The following VPS13D variants were observed in gnomAD, a reference collection of about 807,000 sequenced individuals.
VPS13D encodes intermembrane lipid transfer protein VPS13D.
VPS13D carries 187 observed loss-of-function variants against 461.9 expected under a neutral mutation model. The ratio of observed to expected loss-of-function variants is 0.40; its 90% confidence interval spans 0.36 to 0.46. The LOEUF (loss-of-function observed/expected upper bound fraction) is 0.46, where lower values mean the gene tolerates loss of function less well. VPS13D is among the 20% of genes least tolerant of loss of function. The pLI is 0.60. For synonymous variants in VPS13D, 1,951 were observed against 1,986.3 expected (o/e 0.98, Z 0.47); for missense variants, 4,711 against 5,364.9 (o/e 0.88, Z 3.81).
intron 60 of VPS13D, among the ~76,000 whole-genome samples, chr1:12,386,610 G>A (rs563810852): frequency 6.6e-6 from 1 of 152,270 alleles, no homozygotes; most frequent in South Asian, 2.1e-4. Context: ...AAAACCAATA[G>A]GAAGTCATCT....
At chr1:12,329,494 T>C (rs1198670651) in intron 36 of VPS13D, among the ~76,000 whole-genome samples, 1 of 152,182 alleles carries the variant, frequency 6.6e-6, no homozygotes, top group Non-Finnish European at 1.5e-5. Context: ...TTTACAGGCA[T>C]GAGCCACCGT....
At chr1:12,440,161 G>A (rs1015547473) in intron 65 of VPS13D, among the ~76,000 whole-genome samples, 1 of 152,236 alleles carries the variant, frequency 6.6e-6, no homozygotes, top group East Asian at 1.9e-4. Flanking sequence ...GAGGCGCTGA[G>A]AAATCTGTAA....
At chr1:12,329,367 C>T (rs1011104819) in intron 36 of VPS13D, among the ~76,000 whole-genome samples, 2 of 152,134 alleles carry the variant, frequency 1.3e-5, no homozygotes, top group Admixed American at 6.5e-5. Flanking sequence ...GCGCCCGCTA[C>T]CACGCCCAGC....
intron 52 of VPS13D, among the ~76,000 whole-genome samples, chr1:12,367,103 C>T (rs374998010): frequency 6.6e-6 from 1 of 152,116 alleles, no homozygotes; most frequent in Non-Finnish European, 1.5e-5. Flanking sequence ...TTAGTTGCCA[C>T]GTGTATTCTC....
intron 60 of VPS13D, among the ~76,000 whole-genome samples, chr1:12,391,742 G>A (rs1644429574): frequency 6.6e-6 from 1 of 152,050 alleles, no homozygotes; most frequent in South Asian, 2.1e-4. Context: ...TTTCATTTGG[G>A]TAACTGTAAA....
chr1:12,257,161 G>A, intron 9 of VPS13D, 74 bp downstream of exon 9: 1 of 1,324,220 alleles, frequency 7.6e-7, no homozygotes, highest in South Asian at 1.2e-5. Flanking sequence ...TCAGAAATAT[G>A]CCTCACTGTC....
intron 27 of VPS13D, among the ~76,000 whole-genome samples, chr1:12,308,949 T>C (rs1390824657): frequency 1.3e-5 from 2 of 152,140 alleles, no homozygotes; most frequent in Non-Finnish European, 2.9e-5. Flanking sequence ...CCAGCCAATG[T>C]TTTATATCTG....
Position 12,383,064 on chromosome 1 carries a change from C to T in VPS13D, c.11279C>T (p.Pro3760Leu). 1 of 1,614,102 alleles carries T rather than the reference C, an allele frequency of 6.2e-7. No homozygotes were observed. The highest frequency in any genetic ancestry group is 8.5e-7 in the Non-Finnish European group (1 of 1,180,010). Residue 3760 changes from proline to leucine, a missense_variant, in exon 58 of 70, where the codon CCT (proline) becomes CTT (leucine). Physicochemically the swap from Pro to Leu is moderately conservative, Grantham distance 98. This residue lies in a region of VPS13D where 4,411 missense variants were observed against 4,937.8 expected (regional missense o/e 0.89). Transcript: ENST00000620676. The stretch of plus-strand genomic sequence containing the variant: ...ATGGAGCTTTTGGGGCCAGTTCCAC[C>T]TGAACAACAATTTATTAATCAAAAA... ...TSMELLGPVP[P>L]EQQFINQKMR...
At chr1:12,399,914 A>G (rs563072152) in intron 60 of VPS13D, among the ~76,000 whole-genome samples, 7 of 152,156 alleles carry the variant, frequency 4.6e-5, no homozygotes, top group African/African-American at 1.4e-4. Flanking sequence ...TAATATATGT[A>G]TTGCCTCACA....
chr1:12,461,192 G>C (rs1159140893), intron 67 of VPS13D, among the ~76,000 whole-genome samples: 1 of 152,170 alleles, frequency 6.6e-6, no homozygotes, highest in Admixed American at 6.5e-5. Context: ...AAGCCCAGAA[G>C]GATTTTGCTG....
At chr1:12,266,453 T>C (rs1641272223) in intron 13 of VPS13D, among the ~76,000 whole-genome samples, 8 of 152,272 alleles carry the variant, frequency 5.3e-5, no homozygotes, top group Admixed American at 5.2e-4. Flanking sequence ...GGCATCATCA[T>C]GTAGGCAAGG....
intron 67 of VPS13D, among the ~76,000 whole-genome samples, chr1:12,496,875 C>G (rs1645965370): frequency 6.6e-6 from 1 of 152,188 alleles, no homozygotes; most frequent in South Asian, 2.1e-4. Context: ...AGGTCCAGGT[C>G]CAGGTCCAGG....
chr1:12,406,341 A>G (rs1349430397), intron 63 of VPS13D, among the ~76,000 whole-genome samples: 6 of 152,172 alleles, frequency 3.9e-5, no homozygotes, highest in Non-Finnish European at 5.9e-5. Flanking sequence ...GCTCTTTTAG[A>G]TGAATATATA....
intron 50 of VPS13D, among the ~76,000 whole-genome samples, chr1:12,360,399 C>T (rs1643931147): frequency 6.6e-6 from 1 of 152,116 alleles, no homozygotes; most frequent in Admixed American, 6.5e-5. Context: ...ACATGGATCT[C>T]CAAAAAGAAC....
At chr1:12,429,088 C>A (rs1161850110) in intron 65 of VPS13D, among the ~76,000 whole-genome samples, 2 of 150,916 alleles carry the variant, frequency 1.3e-5, no homozygotes, top group South Asian at 4.2e-4. Context: ...TGGAGGGGGG[C>A]CAGGATTTTA....
rs72868203 is a variant in VPS13D, at chr1:12,344,919, C to G, written c.8886-455C>G. 4.6e-3 allele frequency: 714 copies of G among 155,444 alleles called. 5 individuals carry two copies. The highest frequency in any genetic ancestry group is 0.016 in the African/African-American group (671 of 41,624). 9.6% of individuals were successfully genotyped at this position (155,444 alleles called of 1,614,324 possible). A position where few individuals can be genotyped will look rare whatever the true frequency, so the allele number is the denominator to read the frequency against. On this transcript the variant is annotated intron_variant, in intron 42 of 69. Coordinates refer to ENST00000620676, the MANE Select transcript of VPS13D (RefSeq NM_015378.4). ...GCCTCTCCTGCCCTGTCTGTAGTCA[C>G]GTAGGGCTGGAGCCAAACAACTGCA...
chr1:12,506,605 G>A (rs1011442888), intron 68 of VPS13D, among the ~76,000 whole-genome samples: 5 of 152,228 alleles, frequency 3.3e-5, no homozygotes, highest in Admixed American at 3.3e-4. Flanking sequence ...ACATTGAAAG[G>A]CATCGTGTTT....
rs748690567 is a variant in VPS13D, at chr1:12,415,242, C to A, written c.12165+21C>A. 6 of 1,613,756 alleles carry A rather than the reference C, an allele frequency of 3.7e-6. No homozygotes were observed. The South Asian group carries it at 5.5e-5, about 15-fold the overall frequency. On this transcript the variant is annotated intron_variant, in intron 64 of 69. Transcript: ENST00000620676. ...AGGAGGTGAGGCTTGGAGAAGTAAT[C>A]ATTGGCTGGAGCATAAGCAGAATGT...
chr1:12,262,010 GACTCTGTT>G lies in VPS13D; in HGVS notation c.1527_1534del (p.Leu510GlnfsTer10). 1 of 1,614,140 alleles carries G rather than the reference GACTCTGTT, an allele frequency of 6.2e-7. No homozygotes were observed. Among genetic ancestry groups the G allele is most frequent in the Non-Finnish European group, 8.5e-7 (1 of 1,180,010 alleles). ...ATTTGCAGTTGCAGCGAGGTACAGTGACTCTGTTACACAAGGAGCAAGGAACTCCTCAA... is the reference window on the plus strand; with the variant it reads ...ATTTGCAGTTGCAGCGAGGTACAGTGACACAAGGAGCAAGGAACTCCTCAA... On this transcript the variant is annotated frameshift_variant, in exon 13 of 70. Transcript: ENST00000620676. LOFTEE classifies it high-confidence loss of function.
Sources: gnomAD v4.1 joint callset for allele counts (sites outside exome capture counted in the v4.1 genomes callset) on GRCh38, gnomAD v4.1.1 for gene constraint, gnomAD v4.1.1 regional missense constraint, MANE v1.5 for transcripts, NCBI Gene and HGNC (gene_info 2026-07-23, HGNC 2026-07-21) for gene names.